Variants in CLIP1 observed in about 807,000 individuals in gnomAD.
CLIP1 encodes CAP-Gly domain-containing linker protein 1.
A neutral mutation model predicts 161.6 loss-of-function variants in CLIP1; 66 were observed. That is an observed-to-expected ratio of 0.41 (90% CI 0.33 to 0.50). The LOEUF (loss-of-function observed/expected upper bound fraction) is 0.50. Among genes scored for constraint, CLIP1 ranks in the 20% least tolerant of loss-of-function variants. The pLI, the probability that CLIP1 is intolerant of heterozygous loss-of-function variation, is 0.27. For missense variants in CLIP1, 1,376 were observed against 1,702.0 expected (o/e 0.81, Z 3.37); for synonymous variants, 598 against 626.2 (o/e 0.96, Z 0.67).
intron 3 of CLIP1, chr12:122,365,380 G>A (rs1954090820): frequency 1.1e-6 from 1 of 885,342 alleles, no homozygotes; most frequent in African/African-American, 1.6e-5. Context: ...TGGCATTGTT[G>A]TAAACAAACA....
intron 17 of CLIP1, among the ~76,000 whole-genome samples, chr12:122,319,605 C>T (rs1362962451): frequency 1.3e-5 from 2 of 152,268 alleles, no homozygotes; most frequent in Non-Finnish European, 2.9e-5. Flanking sequence ...TGTAAACATA[C>T]ATCTTCCAGT....
intron 25 of CLIP1, among the ~76,000 whole-genome samples, chr12:122,273,357 C>T (rs1216435154): frequency 5.9e-5 from 9 of 152,172 alleles, no homozygotes; most frequent in South Asian, 2.1e-4. Context: ...GAAAGCAATT[C>T]TCCTGCCTCA....
Position 122,378,275 on chromosome 12 carries a change from C to T in CLIP1, c.86-315G>A, listed in dbSNP as rs142081106. On this transcript the variant is annotated intron_variant, in intron 2 of 25. Transcript: ENST00000620786. ...CTAATTTTTGTATTTTTAGTAGAGA[C>T]GGGGTCTCACCACGTTGGCCAGGCT... is the stretch of plus-strand genomic sequence containing the variant. Among the ~76,000 whole-genome samples, 75 of 152,156 alleles carry T rather than the reference C, an allele frequency of 4.9e-4. 1 individual carries two copies. Among genetic ancestry groups the T allele is most frequent in the Admixed American group, 9.2e-4 (14 of 15,260 alleles).
At chr12:122,382,684 G>A (rs1955062046) in intron 1 of CLIP1, among the ~76,000 whole-genome samples, 2 of 151,748 alleles carry the variant, frequency 1.3e-5, no homozygotes, top group South Asian at 4.2e-4. Flanking sequence ...CACCCTAGGT[G>A]GTAGAGTGAG....
intron 3 of CLIP1, among the ~76,000 whole-genome samples, chr12:122,368,748 GC>G (rs1954286706): frequency 1.3e-5 from 2 of 151,864 alleles, no homozygotes. Flanking sequence ...TTTGAGACAG[GC>G]CTGAAATTCT....
chr12:122,393,843 C>G (rs1283079059), intron 1 of CLIP1, among the ~76,000 whole-genome samples: 1 of 128,138 alleles, frequency 7.8e-6, no homozygotes, highest in African/African-American at 2.8e-5. Flanking sequence ...ACCTGGGAGG[C>G]AGAAGTTGTG....
At chr12:122,273,647 T>C (rs577492539) in intron 25 of CLIP1, among the ~76,000 whole-genome samples, 1 of 141,004 alleles carries the variant, frequency 7.1e-6, no homozygotes, top group African/African-American at 2.4e-5. Flanking sequence ...CACAAAACAT[T>C]TGTTTTTTTT....
chr12:122,289,805 G>GT (rs11286847), intron 20 of CLIP1, among the ~76,000 whole-genome samples: 434 of 136,732 alleles, frequency 3.2e-3, no homozygotes, highest in Middle Eastern at 7.8e-3. Flanking sequence ...CACTGTTAAT[G>GT]TTTTTTTTTT....
chr12:122,355,416 T>TAGCG lies in CLIP1; in HGVS notation c.1006-105_1006-104insCGCT, dbSNP rs1318460568. 5 of 998,236 alleles carry TAGCG rather than the reference T, an allele frequency of 5.0e-6. No individual in the cohort carries two copies. The highest frequency in any genetic ancestry group is 7.5e-6 in the Non-Finnish European group (5 of 665,968). The allele number at this position is 998,236 out of a possible 1,614,324, so 61.8% of individuals were successfully genotyped here. On this transcript the variant is annotated intron_variant, in intron 5 of 25. Coordinates refer to ENST00000620786, the MANE Select transcript of CLIP1 (RefSeq NM_001247997.2). This position sits in a 1 kb window ranked among gnomAD's most constrained non-coding sequence, Gnocchi z 4.1. ...CATCTGCTCGGCAAAGCAAGGGCGCTGCTCCAGCTGGCAGGCTGGCCAGGA... is the reference window on the plus strand; with the variant it reads ...CATCTGCTCGGCAAAGCAAGGGCGCTAGCGGCTCCAGCTGGCAGGCTGGCCAGGA...
intron 20 of CLIP1, among the ~76,000 whole-genome samples, chr12:122,293,002 C>CCAAAAAAAAA (rs1950314917): frequency 2.3e-5 from 1 of 43,608 alleles, no homozygotes; most frequent in African/African-American, 1.1e-4. Context: ...GACTCTGTCT[C>CCAAAAAAAAA]AAAAAAAAAA....
intron 3 of CLIP1, among the ~76,000 whole-genome samples, chr12:122,373,423 C>CA (rs200479478): frequency 0.18 from 20,124 of 113,882 alleles, 1,761 homozygotes; most frequent in East Asian, 0.48. Context: ...GACTCTGTCT[C>CA]AAAAAAAAGA....
intron 17 of CLIP1, among the ~76,000 whole-genome samples, chr12:122,320,065 G>C (rs910242875): frequency 1.3e-5 from 2 of 151,816 alleles, no homozygotes; most frequent in Admixed American, 6.6e-5. Context: ...ACGAGGTCAA[G>C]ATATTGAGAC....
chr12:122,412,983 A>G (rs980508466), intron 1 of CLIP1, among the ~76,000 whole-genome samples: 1 of 152,204 alleles, frequency 6.6e-6, no homozygotes, highest in African/African-American at 2.4e-5. Context: ...AACTAGTCAC[A>G]TGGTTTCATG....
At chr12:122,313,062 G>A (rs1168359582) in intron 19 of CLIP1, among the ~76,000 whole-genome samples, 3 of 152,160 alleles carry the variant, frequency 2.0e-5, no homozygotes, top group African/African-American at 7.2e-5. Flanking sequence ...AGGGGCAGGG[G>A]CTTTTTCAAC....
Position 122,341,629 on chromosome 12 carries a change from T to C in CLIP1, c.1575A>G (p.Glu525=). The C allele has an allele frequency of 6.2e-7, 1 of 1,613,132 alleles. No homozygotes were observed. The highest frequency in any genetic ancestry group is 1.1e-5 in the South Asian group (1 of 91,068). The part of the protein sequence containing the change: ...LEKDLALRVQ[E]VAELRRRLES... ...CTAGCCTTCTTCGGAGCTCAGCTACTTCCTGTACTCTCAATGCTAGGTCTT... is the reference window on the plus strand; with the variant it reads ...CTAGCCTTCTTCGGAGCTCAGCTACCTCCTGTACTCTCAATGCTAGGTCTT... Residue 525 remains glutamate, a synonymous_variant, in exon 11 of 26, where the codon GAA becomes GAG. Transcript: ENST00000620786.
chr12:122,385,012 G>A (rs1479956562), intron 1 of CLIP1, among the ~76,000 whole-genome samples: 2 of 149,066 alleles, frequency 1.3e-5, no homozygotes, highest in African/African-American at 2.5e-5. Flanking sequence ...AGCTCTCTGC[G>A]ACCTCTGCCT....
At chr12:122,275,782 T>G (rs1955401435) in intron 24 of CLIP1, 1 of 152,166 alleles carries the variant, frequency 6.6e-6, no homozygotes, top group Admixed American at 6.6e-5. Context: ...AGACTCTCAT[T>G]TATCAACTGA....
At chr12:122,357,197 G>A (rs1173022365) in intron 5 of CLIP1, among the ~76,000 whole-genome samples, 19 of 150,950 alleles carry the variant, frequency 1.3e-4, no homozygotes, top group Non-Finnish European at 1.9e-4. Context: ...AGTGAGGAGC[G>A]TCTCTGCCCG....
chr12:122,365,924 G>A (rs1954140163), intron 3 of CLIP1, among the ~76,000 whole-genome samples: 1 of 152,158 alleles, frequency 6.6e-6, no homozygotes. Context: ...TGGGAGGATT[G>A]CTTGAGCCCA....
Sources: gnomAD v4.1 joint callset for allele counts (sites outside exome capture counted in the v4.1 genomes callset) on GRCh38, gnomAD v4.1.1 for gene constraint, Gnocchi (gnomAD v3.1) non-coding constraint, MANE v1.5 for transcripts, NCBI Gene and HGNC (gene_info 2026-07-23, HGNC 2026-07-21) for gene names.